Variants in MAP3K19 observed in about 807,000 individuals in gnomAD.
MAP3K19 encodes the protein SPS1/STE20-related protein kinase YSK4.
A neutral mutation model predicts 114.4 loss-of-function variants in MAP3K19; 91 were observed. That is an observed-to-expected ratio of 0.80 (90% CI 0.67 to 0.95). The LOEUF is 0.95. Among genes scored for constraint, MAP3K19 ranks in the 40% least tolerant of loss-of-function variants. The probability of loss-of-function intolerance (pLI) is 0.00; values close to 1 mark genes in which losing one functional copy is unlikely to be tolerated. For missense variants in MAP3K19, 1,471 were observed against 1,573.2 expected (o/e 0.94, Z 1.10); for synonymous variants, 518 against 530.5 (o/e 0.98, Z 0.32).
At chr2:135,039,499 C>CCTGAGT (rs1371046914) in intron 2 of MAP3K19, among the ~76,000 whole-genome samples, 1 of 152,082 alleles carries the variant, frequency 6.6e-6, no homozygotes, top group Non-Finnish European at 1.5e-5. Context: ...TGGAGAATCA[C>CCTGAGT]CTGAGTCTGG....
rs965142526 is a variant in MAP3K19, at chr2:135,001,053, G to A, written c.236-1038C>T. Among the ~76,000 whole-genome samples the A allele has an allele frequency of 2.6e-5, 4 of 151,290 alleles. No individual in the cohort carries two copies. The East Asian group carries it at 7.8e-4, about 29-fold the overall frequency. On this transcript the variant is annotated intron_variant, in intron 6 of 12. Transcript: ENST00000392915. ...TTTGGATATATTTGTGTAATACATA[G>A]GAACTACCATAGTGAAAGCATTTTT...
At chr2:135,045,321 G>A (rs572489779) in intron 1 of MAP3K19, among the ~76,000 whole-genome samples, 3 of 152,240 alleles carry the variant, frequency 2.0e-5, no homozygotes, top group African/African-American at 7.2e-5. Flanking sequence ...TACTAAGGGC[G>A]GAAGGGGCAG....
At chr2:134,968,525 C>T (rs551739045) in intron 12 of MAP3K19, among the ~76,000 whole-genome samples, 14 of 148,360 alleles carry the variant, frequency 9.4e-5, no homozygotes, top group African/African-American at 1.8e-4. Flanking sequence ...GGGTGGCTGC[C>T]GGGCGGAGAC....
intron 5 of MAP3K19, among the ~76,000 whole-genome samples, chr2:135,008,988 G>A (rs1472128708): frequency 6.6e-6 from 1 of 151,926 alleles, no homozygotes; most frequent in Non-Finnish European, 1.5e-5. Context: ...GTCTTGCTCT[G>A]TTGCCCAGGC....
intron 3 of MAP3K19, among the ~76,000 whole-genome samples, chr2:135,029,442 T>C (rs1247691741): frequency 2.0e-5 from 3 of 152,210 alleles, no homozygotes; most frequent in African/African-American, 7.2e-5. Flanking sequence ...CACCATTAAG[T>C]AAAATACATT....
intron 12 of MAP3K19, among the ~76,000 whole-genome samples, chr2:134,967,328 G>A (rs1296074756): frequency 2.0e-5 from 3 of 152,186 alleles, no homozygotes; most frequent in Non-Finnish European, 2.9e-5. Flanking sequence ...GAGCGTCCCC[G>A]AGCCCGACAC....
At chr2:135,018,405 T>C (rs1687741576) in intron 5 of MAP3K19, among the ~76,000 whole-genome samples, 1 of 152,194 alleles carries the variant, frequency 6.6e-6, no homozygotes, top group African/African-American at 2.4e-5. Context: ...GGCATGGTCT[T>C]GGCTCACTGA....
intron 8 of MAP3K19, among the ~76,000 whole-genome samples, chr2:134,997,175 A>G (rs1286394776): frequency 2.6e-5 from 4 of 152,216 alleles, no homozygotes; most frequent in Admixed American, 6.5e-5. Flanking sequence ...CTTATGAACT[A>G]TTTTACATAT....
intron 5 of MAP3K19, among the ~76,000 whole-genome samples, chr2:135,018,628 C>T (rs1324347636): frequency 6.6e-6 from 1 of 152,252 alleles, no homozygotes; most frequent in Non-Finnish European, 1.5e-5. Context: ...GCATAAGCCA[C>T]TGCACCTGGA....
intron 6 of MAP3K19, among the ~76,000 whole-genome samples, chr2:135,001,438 A>C (rs1265735050): frequency 2.0e-5 from 3 of 152,218 alleles, no homozygotes; most frequent in African/African-American, 7.2e-5. Flanking sequence ...ATTGAGCTGG[A>C]AGGAACTTAG....
chr2:135,023,319 CCACCGCTCCTCTCTATCTGCGGGTG>C, intron 4 of MAP3K19: 1 of 422,242 alleles, frequency 2.4e-6, no homozygotes. Flanking sequence ...CCTGATGTCC[CCACCGCTCCTCTCTATCTGCGGGTG>C]CACCTCCTCG....
At position 134,986,500 on chromosome 2, in the gene MAP3K19, G is replaced by A. The variant is rs1685118213; in HGVS notation, c.2372C>T (p.Thr791Ile). The change falls in exon 10 of 13, where the codon ACA (threonine) becomes ATA (isoleucine). Residue 791 changes from threonine (T) to isoleucine (I), a missense_variant. Physicochemically the swap from Thr to Ile is moderately conservative, Grantham distance 89. Coordinates refer to ENST00000392915, the MANE Select transcript of MAP3K19 (RefSeq NM_025052.5). ...ATTCTGTTTCATGGACTGCTCAGGTGTCTGAGCCAAGTTCATGGGATGAAT... is the reference window on the plus strand; with the variant it reads ...ATTCTGTTTCATGGACTGCTCAGGTATCTGAGCCAAGTTCATGGGATGAAT... ...DEIHPMNLAQ[T>I]PEQSMKQNEF... 6.2e-7 allele frequency: 1 copy of A among 1,614,072 alleles called. No individual in the cohort carries two copies. The highest frequency in any genetic ancestry group is 1.3e-5 in the African/African-American group (1 of 75,046).
rs368110156 is a variant in MAP3K19 at position 134,987,721 on chromosome 2, G to T, written c.1151C>A (p.Pro384Gln). The T allele has an allele frequency of 3.1e-6, 5 of 1,611,644 alleles. No individual in the cohort carries two copies. Among genetic ancestry groups the T allele is most frequent in the Non-Finnish European group, 3.4e-6 (4 of 1,180,014 alleles). The change falls in exon 10 of 13, where the codon CCA becomes CAA. Residue 384 changes from proline (P) to glutamine (Q), a missense_variant. Coordinates refer to ENST00000392915, the MANE Select transcript of MAP3K19 (RefSeq NM_025052.5). ...SSVAKNYEQD[P>Q]EIVCTIPSKF... ...GCTTGGAATGGTACATACTATTTCT[G>T]GATCTTGTTCATAGTTTTTGGCTAC... is the stretch of plus-strand genomic sequence containing the variant.
In MAP3K19 at chr2:135,027,137, C is replaced by T. The variant is rs111729312; in HGVS notation, c.-94-2396G>A. ...GTATGTGCCTGTAGTTCCAGCTACT[C>T]GAGAGGCTGAGGCAGGAGGATCCAT... is the stretch of plus-strand genomic sequence containing the variant. On this transcript the variant is annotated intron_variant, in intron 3 of 12. Transcript: ENST00000392915. Among the ~76,000 whole-genome samples, 452 of 151,834 alleles carry T rather than the reference C, an allele frequency of 3.0e-3. 2 individuals carry two copies. Among genetic ancestry groups the T allele is most frequent in the African/African-American group, 0.01 (420 of 41,396 alleles).
At chr2:134,989,408 T>C (rs918631690) in intron 9 of MAP3K19, among the ~76,000 whole-genome samples, 1 of 152,188 alleles carries the variant, frequency 6.6e-6, no homozygotes, top group Admixed American at 6.5e-5. Flanking sequence ...AGGAAGGAAA[T>C]GGAACCTGAC....
At position 135,005,435 on chromosome 2, in the gene MAP3K19, C is replaced by T; in HGVS notation, c.235G>A (p.Gly79Ser). Residue 79 changes from glycine to serine, a missense_variant and splice_region_variant, in exon 6 of 13, where the codon GGT becomes AGT. By Grantham distance (56) the Gly-to-Ser change is moderately conservative (BLOSUM62 0). Transcript: ENST00000392915. Reference sequence around the variant, plus strand: ...CACATCAAGGAGTAAAGCCCAGTACCTTCTGTCCTGGGTTGCCAGTCCTGT... The same window carrying T: ...CACATCAAGGAGTAAAGCCCAGTACTTTCTGTCCTGGGTTGCCAGTCCTGT... ...GRQDWQPRTE[G>S]VEITVTFPRD... is the part of the protein sequence containing the mutation. The T allele has an allele frequency of 1.2e-6, 2 of 1,604,224 alleles. No homozygotes were observed. The highest frequency in any genetic ancestry group is 1.1e-5 in the South Asian group (1 of 90,880).
At chr2:135,025,371 T>A (rs1688213436) in intron 3 of MAP3K19, among the ~76,000 whole-genome samples, 1 of 105,492 alleles carries the variant, frequency 9.5e-6, no homozygotes, top group East Asian at 3.3e-4. Flanking sequence ...CATGGCCTTT[T>A]CTTTTCTTTT....
intron 6 of MAP3K19, 81 bp from the exon 7 acceptor site, chr2:135,000,096 T>C: frequency 2.2e-6 from 2 of 924,974 alleles, no homozygotes; most frequent in Non-Finnish European, 1.8e-6. Context: ...TATTTCTGTT[T>C]GGCTAATCTC....
Position 135,033,474 on chromosome 2 carries a change from C to T in MAP3K19, c.-283-2974G>A, listed in dbSNP as rs551951920. ...GCAGAGGCGCCCCCCACCCCCCGGACGGGGCGGCTGGCCGGGCAGAGGGGC... is the reference window on the plus strand; with the variant it reads ...GCAGAGGCGCCCCCCACCCCCCGGATGGGGCGGCTGGCCGGGCAGAGGGGC... On this transcript the variant is annotated intron_variant, in intron 2 of 12. Transcript: ENST00000392915. Among the ~76,000 whole-genome samples the T allele has an allele frequency of 1.1e-4, 13 of 118,416 alleles. No homozygotes were observed. In the East Asian group the frequency reaches 1.4e-3, roughly 13 times the overall value. The allele number at this position is 118,416 out of a possible 152,430, so 77.7% of individuals were successfully genotyped here. A position where few individuals can be genotyped will look rare whatever the true frequency, so the allele number is the denominator to read the frequency against.
Sources: allele counts gnomAD v4.1 joint callset (sites outside exome capture counted in the v4.1 genomes callset), GRCh38; gene constraint gnomAD v4.1.1; transcripts MANE v1.5; gene names NCBI Gene and HGNC (gene_info 2026-07-23, HGNC 2026-07-21).